NKAIN2: variants seen among roughly 807,000 people sequenced by gnomAD.
NKAIN2 encodes the protein sodium/potassium transporting ATPase interacting 2.
A neutral mutation model predicts 32.6 loss-of-function variants in NKAIN2; 14 were observed. The ratio of observed to expected loss-of-function variants is 0.43; its 90% CI spans 0.28 to 0.67. NKAIN2 has a LOEUF of 0.67. Among genes scored for constraint, NKAIN2 ranks in the 30% least tolerant of loss-of-function variants. NKAIN2 has a pLI of 0.17. For missense variants in NKAIN2, 198 were observed against 258.3 expected (o/e 0.77, Z 1.60); for synonymous variants, 80 against 87.2 (o/e 0.92, Z 0.46).
At chr6:124,198,504 A>G (rs1269407752) in intron 1 of NKAIN2, among the ~76,000 whole-genome samples, 1 of 151,684 alleles carries the variant, frequency 6.6e-6, no homozygotes, top group African/African-American at 2.4e-5. Flanking sequence ...CTTCTTCTCT[A>G]TTGATAGGAA....
intron 3 of NKAIN2, among the ~76,000 whole-genome samples, chr6:124,655,937 T>G (rs941435820): frequency 1.8e-4 from 28 of 151,988 alleles, no homozygotes; most frequent in African/African-American, 6.5e-4. Flanking sequence ...GCTATGGATA[T>G]TAGATATCAC....
At chr6:124,730,881 C>A (rs1776629954) in intron 4 of NKAIN2, among the ~76,000 whole-genome samples, 1 of 137,862 alleles carries the variant, frequency 7.3e-6, no homozygotes, top group Non-Finnish European at 1.6e-5. Flanking sequence ...ACAAACAACC[C>A]CATCAAAAAG....
intron 4 of NKAIN2, among the ~76,000 whole-genome samples, chr6:124,677,179 G>A (rs1000021082): frequency 6.6e-6 from 1 of 152,164 alleles, no homozygotes; most frequent in Non-Finnish European, 1.5e-5. Flanking sequence ...ATGTTGGCCA[G>A]GCTGGTCTCG....
chr6:124,367,547 T>C (rs900170871), intron 3 of NKAIN2, among the ~76,000 whole-genome samples: 4 of 152,178 alleles, frequency 2.6e-5, no homozygotes, highest in African/African-American at 9.7e-5. Context: ...AACCATTATA[T>C]AAATCACTTT....
intron 3 of NKAIN2, among the ~76,000 whole-genome samples, chr6:124,409,663 G>T (rs957337345): frequency 6.6e-6 from 1 of 152,106 alleles, no homozygotes; most frequent in Non-Finnish European, 1.5e-5. Context: ...CTCTTTTCTT[G>T]TTGTGTCTCT....
chr6:124,646,024 A>G (rs1310309374), intron 3 of NKAIN2, among the ~76,000 whole-genome samples: 1 of 152,162 alleles, frequency 6.6e-6, no homozygotes, highest in Non-Finnish European at 1.5e-5. Context: ...ATTTTGGTAT[A>G]TTTATATATT....
chr6:124,255,443 C>T (rs975257523), intron 1 of NKAIN2, among the ~76,000 whole-genome samples: 1 of 152,276 alleles, frequency 6.6e-6, no homozygotes, highest in South Asian at 2.1e-4. Context: ...TTGTCTACCT[C>T]CTCACTCTGT....
intron 4 of NKAIN2, among the ~76,000 whole-genome samples, chr6:124,754,467 C>CT (rs1189056572): frequency 1.6e-5 from 2 of 125,206 alleles, no homozygotes; most frequent in Admixed American, 1.6e-4. Flanking sequence ...GACATGAACA[C>CT]TTTTTTTTCC....
At chr6:124,308,405 T>C (rs2114994142) in intron 2 of NKAIN2, among the ~76,000 whole-genome samples, 1 of 152,304 alleles carries the variant, frequency 6.6e-6, no homozygotes, top group African/African-American at 2.4e-5. Context: ...TGAAGAACAA[T>C]ATTATTTATT....
At chr6:123,972,308 G>A (rs1778381766) in intron 1 of NKAIN2, among the ~76,000 whole-genome samples, 1 of 152,100 alleles carries the variant, frequency 6.6e-6, no homozygotes, top group African/African-American at 2.4e-5. Context: ...ATTGTTCAAG[G>A]GTCAACCATA....
intron 3 of NKAIN2, among the ~76,000 whole-genome samples, chr6:124,361,046 G>A (rs1018115204): frequency 1.3e-5 from 2 of 152,106 alleles, no homozygotes; most frequent in Non-Finnish European, 2.9e-5. Context: ...ACTAACCTCA[G>A]CCATCAACTG....
chr6:124,500,685 TAATAAAATA>T lies in NKAIN2; in HGVS notation c.273+145350_273+145358del, dbSNP rs1200894755. On this transcript the variant is annotated intron_variant, in intron 3 of 6. Transcript: ENST00000368417. Reference sequence around the variant, plus strand: ...TCAATCAAATAAATAAATAAATAAATAATAAAATAAATAAAATAAAATGGGAAGATAGGG... The same window carrying T: ...TCAATCAAATAAATAAATAAATAAATAATAAAATAAAATGGGAAGATAGGG... Among the ~76,000 whole-genome samples, 6 of 150,694 alleles carry T rather than the reference TAATAAAATA, an allele frequency of 4.0e-5. No individual in the cohort carries two copies. In the East Asian group the frequency reaches 1.2e-3, roughly 29 times the overall value.
intron 3 of NKAIN2, among the ~76,000 whole-genome samples, chr6:124,415,947 C>A (rs776209968): frequency 7.7e-6 from 1 of 130,312 alleles, no homozygotes; most frequent in Non-Finnish European, 1.6e-5. Flanking sequence ...TCTGTGACTC[C>A]AACAACACAA....
At chr6:124,599,578 A>C (rs1273379677) in intron 3 of NKAIN2, among the ~76,000 whole-genome samples, 1 of 152,154 alleles carries the variant, frequency 6.6e-6, no homozygotes, top group East Asian at 1.9e-4. Flanking sequence ...TACCCTTCAA[A>C]ACTGAGCATC....
chr6:124,017,941 G>A (rs1465012236), intron 1 of NKAIN2, among the ~76,000 whole-genome samples: 3 of 152,180 alleles, frequency 2.0e-5, no homozygotes, highest in Non-Finnish European at 4.4e-5. Context: ...TACTCTGTGT[G>A]TGGGCTCACA....
intron 2 of NKAIN2, among the ~76,000 whole-genome samples, chr6:124,328,970 C>T (rs1018543287): frequency 2.0e-5 from 3 of 152,190 alleles, no homozygotes; most frequent in African/African-American, 7.2e-5. Context: ...GAAACAACCC[C>T]TCCACATTAG....
At chr6:123,822,324 G>A (rs185963592) in intron 1 of NKAIN2, among the ~76,000 whole-genome samples, 183 of 152,050 alleles carry the variant, frequency 1.2e-3, no homozygotes, top group African/African-American at 2.8e-3. Flanking sequence ...TTTGCTATTC[G>A]TCTTTAAGTT....
intron 1 of NKAIN2, among the ~76,000 whole-genome samples, chr6:124,244,859 T>C (rs990948075): frequency 6.6e-6 from 1 of 152,234 alleles, no homozygotes; most frequent in African/African-American, 2.4e-5. Flanking sequence ...TACTAAAATA[T>C]ATTTTCACTA....
chr6:123,903,113 A>G (rs1393883266), intron 1 of NKAIN2, among the ~76,000 whole-genome samples: 2 of 152,202 alleles, frequency 1.3e-5, no homozygotes, highest in Non-Finnish European at 2.9e-5. Context: ...TCATTTATTG[A>G]TTGATAGTGA....
Sources: gnomAD v4.1 joint callset for allele counts (sites outside exome capture counted in the v4.1 genomes callset) on GRCh38, gnomAD v4.1.1 for gene constraint, MANE v1.5 for transcripts, NCBI Gene and HGNC (gene_info 2026-07-23, HGNC 2026-07-21) for gene names.